Variants in PGR observed in about 807,000 individuals in gnomAD.
PGR encodes progesterone receptor.
PGR carries 25 observed loss-of-function variants against 76.1 expected under a neutral mutation model. The observed-to-expected ratio is 0.33, with a 90% CI of 0.24 to 0.46. PGR has a LOEUF of 0.46. Among genes scored for constraint, PGR ranks in the 20% least tolerant of loss-of-function variants. PGR has a pLI of 1.00. For missense variants in PGR, 1,172 were observed against 1,225.3 expected, an observed-to-expected ratio of 0.96 and a Z score of 0.65; for synonymous variants, 579 against 535.0, an observed-to-expected ratio of 1.08 and a Z score of -1.14.
At chr11:101,086,902 A>T (rs1055849615) in intron 3 of PGR, among the ~76,000 whole-genome samples, 2 of 145,098 alleles carry the variant, frequency 1.4e-5, no homozygotes, top group Non-Finnish European at 3.0e-5. Flanking sequence ...TTCTACATGG[A>T]TAACTACATA....
At chr11:101,109,952 G>C (rs1280272031) in intron 2 of PGR, among the ~76,000 whole-genome samples, 1 of 152,108 alleles carries the variant, frequency 6.6e-6, no homozygotes, top group Non-Finnish European at 1.5e-5. Flanking sequence ...AGGCCCTTAA[G>C]AATTATGCTA....
chr11:101,080,913 C>T (rs1023939686), intron 3 of PGR, among the ~76,000 whole-genome samples: 1 of 151,864 alleles, frequency 6.6e-6, no homozygotes, highest in Non-Finnish European at 1.5e-5. Context: ...TGAACTAACC[C>T]AATCTGATAA....
intron 3 of PGR, among the ~76,000 whole-genome samples, chr11:101,084,735 T>A (rs1225994405): frequency 6.6e-6 from 1 of 150,974 alleles, no homozygotes; most frequent in Non-Finnish European, 1.5e-5. Context: ...AAGAAACCCA[T>A]CTCACATGTA....
At chr11:101,082,220 G>C (rs1861336511) in intron 3 of PGR, among the ~76,000 whole-genome samples, 1 of 152,104 alleles carries the variant, frequency 6.6e-6, no homozygotes, top group Admixed American at 6.5e-5. Context: ...AGACCTCCTA[G>C]CTATGCTTCC....
chr11:101,104,069 C>G (rs1862075226), intron 2 of PGR, among the ~76,000 whole-genome samples: 1 of 152,082 alleles, frequency 6.6e-6, no homozygotes, highest in South Asian at 2.1e-4. Context: ...TATGACAGTT[C>G]AATAAACAAA....
intron 7 of PGR, among the ~76,000 whole-genome samples, chr11:101,040,899 T>G (rs1486364105): frequency 6.6e-6 from 1 of 152,048 alleles, no homozygotes; most frequent in Non-Finnish European, 1.5e-5. Context: ...ATACTAAATT[T>G]ACTATAACTC....
At chr11:101,065,639 T>C (rs1473031657) in intron 3 of PGR, among the ~76,000 whole-genome samples, 2 of 152,120 alleles carry the variant, frequency 1.3e-5, no homozygotes, top group Non-Finnish European at 2.9e-5. Context: ...CGACACCTGG[T>C]ATTTTGGGTA....
At chr11:101,089,789 T>C (rs1861615311) in intron 3 of PGR, among the ~76,000 whole-genome samples, 1 of 151,880 alleles carries the variant, frequency 6.6e-6, no homozygotes. Flanking sequence ...ATAAAAGGTA[T>C]GAAAATGCAG....
Position 101,127,747 on chromosome 11 carries a change from C to A in PGR, c.1324G>T (p.Ala442Ser), listed in dbSNP as rs772295478. ...GACGAGACTGAGGCACTGGCGGGTG[C>A]GGCCGTCACCGCCGCTTCCCCGGGT... Reference protein sequence around the residue: ...SRPGEAAVTAAPASASVSSAS... With the variant: ...SRPGEAAVTASPASASVSSAS... The change falls in exon 1 of 8, where the codon GCA becomes TCA. Residue 442 changes from alanine (A) to serine (S), a missense_variant. Coordinates refer to ENST00000325455, the MANE Select transcript of PGR (RefSeq NM_000926.4). The A allele has an allele frequency of 6.4e-6, 10 of 1,552,402 alleles. No homozygotes were observed. The South Asian group carries it at 1.1e-4, about 16-fold the overall frequency.
chr11:101,093,197 A>T (rs565802418), intron 2 of PGR, among the ~76,000 whole-genome samples: 1 of 152,326 alleles, frequency 6.6e-6, no homozygotes, highest in East Asian at 1.9e-4. Context: ...TTAAGCCTTC[A>T]CCTAATAAAG....
At chr11:101,096,713 GC>G (rs1430389589) in intron 2 of PGR, among the ~76,000 whole-genome samples, 12 of 152,170 alleles carry the variant, frequency 7.9e-5, no homozygotes, top group Admixed American at 7.9e-4. Flanking sequence ...TCAGACAACA[GC>G]CCACAGTTTA....
chr11:101,051,814 C>A (rs1462752727), intron 4 of PGR, among the ~76,000 whole-genome samples: 1 of 152,050 alleles, frequency 6.6e-6, no homozygotes, highest in Non-Finnish European at 1.5e-5. Context: ...CTAAGTGAAT[C>A]CATCATCCAT....
In PGR at chr11:101,056,381, C is replaced by T. The variant is rs544328588; in HGVS notation, c.2213-4813G>A. 3.4e-4 allele frequency among the ~76,000 whole-genome samples: 51 copies of T among 152,088 alleles called. No individual in the cohort carries two copies. In the South Asian group the frequency reaches 1.0e-2, roughly 30 times the overall value. On this transcript the variant is annotated intron_variant, in intron 4 of 7. Coordinates refer to ENST00000325455, the MANE Select transcript of PGR (RefSeq NM_000926.4). ...GGGGCTGGGTGTGGTGGCTCATGCC[C>T]GTAGTCCCAGTGCTTTGGGAGGCGA...
intron 2 of PGR, among the ~76,000 whole-genome samples, chr11:101,112,666 G>T (rs76883710): frequency 7.5e-4 from 114 of 152,180 alleles, no homozygotes; most frequent in African/African-American, 2.7e-3. Flanking sequence ...CTGTCTGCAG[G>T]GCAGATTATC....
Position 101,127,623 on chromosome 11 carries a change from G to A in PGR, c.1448C>T (p.Pro483Leu), listed in dbSNP as rs932041300. The change falls in exon 1 of 8, where the codon CCG becomes CTG. Residue 483 changes from proline to leucine, a missense_variant. Pro to Leu is a moderately conservative substitution (Grantham distance 98). Transcript: ENST00000325455. ...GPFAPPPCKAPGASGCLLPRD... is the reference protein window; with the variant it reads ...GPFAPPPCKALGASGCLLPRD... ...CGGGAGCAGGCAGCCGCTCGCGCCCGGCGCCTTGCAGGGCGGCGGCGCGAA... is the reference window on the plus strand; with the variant it reads ...CGGGAGCAGGCAGCCGCTCGCGCCCAGCGCCTTGCAGGGCGGCGGCGCGAA... 5.3e-6 allele frequency: 7 copies of A among 1,321,144 alleles called. No homozygotes were observed. Among genetic ancestry groups the A allele is most frequent in the African/African-American group, 1.5e-5 (1 of 64,920 alleles). The allele number at this position is 1,321,144 out of a possible 1,614,324, so 81.8% of individuals were successfully genotyped here. A position where few individuals can be genotyped will look rare whatever the true frequency, so the allele number is the denominator to read the frequency against.
intron 3 of PGR, among the ~76,000 whole-genome samples, chr11:101,071,295 T>G (rs958997123): frequency 2.6e-5 from 4 of 152,058 alleles, no homozygotes; most frequent in African/African-American, 9.7e-5. Context: ...ACAAAAAGGA[T>G]GTCCACACAA....
chr11:101,092,349 T>C (rs1200028686), intron 2 of PGR, among the ~76,000 whole-genome samples: 2 of 152,210 alleles, frequency 1.3e-5, no homozygotes, highest in South Asian at 4.1e-4. Context: ...AAATGCTTAG[T>C]TCTATTGGAA....
chr11:101,128,426 C>T lies in PGR; in HGVS notation c.645G>A (p.Gln215=), dbSNP rs556940228. The change falls in exon 1 of 8, where the codon CAG becomes CAA. Residue 215 remains glutamine (Q), a synonymous_variant. Transcript: ENST00000325455. ...CCTCCTCAACCTCCACCGCAGCGGC[C>T]TGCGGAGACGGCTTCACTGGGGCCC... ...WSGAPVKPSP[Q]AAAVEVEEED... is the part of the protein sequence containing the mutation. 2.3e-5 allele frequency: 37 copies of T among 1,610,816 alleles called. No individual in the cohort carries two copies. In the Admixed American group the frequency reaches 6.0e-4, roughly 26 times the overall value.
chr11:101,125,747 C>A (rs1862819685), intron 2 of PGR, among the ~76,000 whole-genome samples: 1 of 152,106 alleles, frequency 6.6e-6, no homozygotes. Context: ...ACAATAGTAG[C>A]ACTGTCCTCA....
Sources: allele counts gnomAD v4.1 joint callset (sites outside exome capture counted in the v4.1 genomes callset), GRCh38; gene constraint gnomAD v4.1.1; transcripts MANE v1.5; gene names NCBI Gene and HGNC (gene_info 2026-07-23, HGNC 2026-07-21).